IL16: variants seen among roughly 807,000 people sequenced by gnomAD.
IL16 encodes interleukin 16, also known as pro-interleukin-16.
Under a neutral mutation model 110.1 loss-of-function variants are expected in IL16, and 67 were observed. The ratio of observed to expected loss-of-function variants is 0.61; its 90% CI spans 0.50 to 0.75. The LOEUF (loss-of-function observed/expected upper bound fraction) is 0.75, where lower values mean the gene tolerates loss of function less well. IL16 is among the 30% of genes least tolerant of loss of function. IL16 has a pLI of 0.00. For synonymous variants in IL16, 689 were observed against 662.9 expected, an observed-to-expected ratio of 1.04 and a Z score of -0.61; for missense variants, 1,545 against 1,655.0, an observed-to-expected ratio of 0.93 and a Z score of 1.15.
chr15:81,246,989 T>G (rs1332445601), intron 2 of IL16, among the ~76,000 whole-genome samples: 3 of 151,896 alleles, frequency 2.0e-5, no homozygotes, highest in African/African-American at 4.8e-5. Context: ...TTGTAATATC[T>G]TCTTGTCATC....
intron 13 of IL16, 129 bp from the exon 14 acceptor site, chr15:81,299,251 G>T: frequency 2.0e-6 from 3 of 1,516,314 alleles, no homozygotes; most frequent in Middle Eastern, 3.4e-4. Flanking sequence ...CACCCACCTG[G>T]GTGTCCCCCA....
chr15:81,227,786 G>A (rs1266898655), intron 2 of IL16, among the ~76,000 whole-genome samples: 3 of 151,828 alleles, frequency 2.0e-5, no homozygotes, highest in Admixed American at 6.6e-5. Flanking sequence ...CAGAAATGAC[G>A]TGGCTTGGAC....
At chr15:81,204,940 T>C (rs987759110) in intron 1 of IL16, among the ~76,000 whole-genome samples, 2 of 151,844 alleles carry the variant, frequency 1.3e-5, no homozygotes, top group African/African-American at 4.8e-5. Context: ...GATAAAAAAA[T>C]TGACAGGCCA....
At position 81,313,374 on chromosome 15, in the gene IL16, A is replaced by G. The variant is rs376164995; in HGVS notation, c.*4576A>G. On this transcript the variant is annotated 3_prime_UTR_variant, in exon 19 of 19. Transcript: ENST00000683961. Reference sequence around the variant, plus strand: ...GTAACCGCTGAGGTCGGTATGGAAGAATGTGACCAGGTTGGTCTTGGTGGG... The same window carrying G: ...GTAACCGCTGAGGTCGGTATGGAAGGATGTGACCAGGTTGGTCTTGGTGGG... 7.1e-5 allele frequency: 111 copies of G among 1,572,702 alleles called. No homozygotes were observed. The highest frequency in any genetic ancestry group is 9.4e-5 in the Non-Finnish European group (109 of 1,158,684).
chr15:81,275,862 T>A (rs1054310026), intron 6 of IL16, among the ~76,000 whole-genome samples: 1 of 152,206 alleles, frequency 6.6e-6, no homozygotes, highest in African/African-American at 2.4e-5. Context: ...GCTACTAATG[T>A]TTTACTTTTA....
chr15:81,282,983 G>T (rs1457577697), intron 9 of IL16, among the ~76,000 whole-genome samples: 1 of 152,204 alleles, frequency 6.6e-6, no homozygotes, highest in African/African-American at 2.4e-5. Context: ...TTGCAATCTG[G>T]CTCAGAGGGA....
In IL16 at chr15:81,303,709, G is replaced by A. The variant is rs1208067057; in HGVS notation, c.3420+59G>A. On this transcript the variant is annotated intron_variant, in intron 16 of 18. Transcript: ENST00000683961. The surrounding 1 kb of genome is among the most constrained non-coding windows in gnomAD (Gnocchi z 4.1). ...AGAGGCAATGGTTCTGGGGGAGGGG[G>A]ACACACTTGCCAGGAAGGGGCCCTG... 6 of 1,152,968 alleles carry A rather than the reference G, an allele frequency of 5.2e-6. No homozygotes were observed. The highest frequency in any genetic ancestry group is 1.5e-5 in the African/African-American group (1 of 66,156). 71.4% of individuals were successfully genotyped at this position (1,152,968 alleles called of 1,614,324 possible). A position where few individuals can be genotyped will look rare whatever the true frequency, so the allele number is the denominator to read the frequency against.
intron 2 of IL16, among the ~76,000 whole-genome samples, chr15:81,258,900 A>G (rs569592570): frequency 2.0e-5 from 3 of 152,314 alleles, no homozygotes; most frequent in Admixed American, 6.5e-5. Context: ...TAACAAAGTT[A>G]TAAAATAGAA....
chr15:81,182,859 G>A (rs1895364333), exon 1 of IL16: 1 of 1,289,338 alleles, frequency 7.8e-7, no homozygotes, highest in Admixed American at 2.3e-5. Context: ...CCTGTGCAAT[G>A]AGTTTGCAGA....
chr15:81,282,222 T>A (rs1201144061), intron 8 of IL16, among the ~76,000 whole-genome samples: 3 of 152,238 alleles, frequency 2.0e-5, no homozygotes, highest in Admixed American at 2.0e-4. Context: ...GCTTCTGAGA[T>A]GCTCTGCCCC....
chr15:81,256,378 G>A lies in IL16; in HGVS notation c.313-3394G>A, dbSNP rs563897669. Among the ~76,000 whole-genome samples the A allele has an allele frequency of 3.3e-4, 46 of 140,666 alleles. 1 individual carries two copies. Among genetic ancestry groups the A allele is most frequent in the Admixed American group, 2.7e-3 (37 of 13,646 alleles). 92.3% of individuals were successfully genotyped at this position (140,666 alleles called of 152,430 possible). On this transcript the variant is annotated intron_variant, in intron 2 of 18. Coordinates refer to ENST00000683961, the MANE Select transcript of IL16 (RefSeq NM_172217.5). ...AGACAGAGTCTCGCTCTGTCACCCAGGCTGAAGTACAGTGGCAGGATCTTG... is the reference window on the plus strand; with the variant it reads ...AGACAGAGTCTCGCTCTGTCACCCAAGCTGAAGTACAGTGGCAGGATCTTG...
chr15:81,289,434 C>T (rs1349681148), intron 10 of IL16, among the ~76,000 whole-genome samples: 1 of 152,168 alleles, frequency 6.6e-6, no homozygotes, highest in African/African-American at 2.4e-5. Context: ...CATGCCCAGC[C>T]TCTTTTCTTT....
Position 81,269,567 on chromosome 15 carries a change from C to T in IL16, c.594C>T (p.Ser198=), listed in dbSNP as rs543252360. The change falls in exon 5 of 19, where the codon AGC becomes AGT. Residue 198 remains serine, a synonymous_variant. Transcript: ENST00000683961. ...CTTCGAGACCAACACGGTCCCTGAG[C>T]ACAGCTCAGCTCGTGCAGCCATCTG... ...AGTSRPTRSL[S]TAQLVQPSGG... is the part of the protein sequence containing the mutation. 4.3e-6 allele frequency: 7 copies of T among 1,614,080 alleles called. No individual in the cohort carries two copies. The highest frequency in any genetic ancestry group is 1.7e-4 in the Middle Eastern group (1 of 6,056).
At chr15:81,286,386 G>C (rs938262851) in intron 10 of IL16, among the ~76,000 whole-genome samples, 1 of 152,160 alleles carries the variant, frequency 6.6e-6, no homozygotes, top group Non-Finnish European at 1.5e-5. Flanking sequence ...TCCAGGAGGT[G>C]GGAACACAAA....
chr15:81,256,332 C>CTTT (rs386383603), intron 2 of IL16, among the ~76,000 whole-genome samples: 1,589 of 125,720 alleles, frequency 0.013, 86 homozygotes, highest in African/African-American at 0.047. Flanking sequence ...TCTTTACAAA[C>CTTT]TTTTTTTTTT....
chr15:81,313,526 C>T lies in IL16; in HGVS notation c.*4728C>T. 1.1e-6 allele frequency: 1 copy of T among 927,288 alleles called. No individual in the cohort carries two copies. Among genetic ancestry groups the T allele is most frequent in the East Asian group, 3.0e-5 (1 of 33,286 alleles). 57.4% of individuals were successfully genotyped at this position (927,288 alleles called of 1,614,324 possible). On this transcript the variant is annotated 3_prime_UTR_variant, in exon 19 of 19. Transcript: ENST00000683961. ...CATGATACAGTGATCGCGTCTCATC[C>T]CTTGCTGTGCCCTCCACCCAGGAGT...
intron 2 of IL16, among the ~76,000 whole-genome samples, chr15:81,251,578 T>A (rs1365093659): frequency 6.6e-6 from 1 of 152,234 alleles, no homozygotes; most frequent in Non-Finnish European, 1.5e-5. Flanking sequence ...GACATCTTTG[T>A]GCACCTTGTC....
chr15:81,313,216 A>G lies in IL16; in HGVS notation c.*4418A>G. 1.4e-6 allele frequency: 2 copies of G among 1,481,342 alleles called. No homozygotes were observed. The highest frequency in any genetic ancestry group is 5.3e-5 in the East Asian group (2 of 37,942). The allele number at this position is 1,481,342 out of a possible 1,614,324, so 91.8% of individuals were successfully genotyped here. A position where few individuals can be genotyped will look rare whatever the true frequency, so the allele number is the denominator to read the frequency against. On this transcript the variant is annotated 3_prime_UTR_variant, in exon 19 of 19. Coordinates refer to ENST00000683961, the MANE Select transcript of IL16 (RefSeq NM_172217.5). Reference sequence around the variant, plus strand: ...GTGTCCCAACAGCTGGAGCTCCTCGATGAGTCACGGGAGTTCTTTGCCAAG... The same window carrying G: ...GTGTCCCAACAGCTGGAGCTCCTCGGTGAGTCACGGGAGTTCTTTGCCAAG...
chr15:81,216,775 G>A (rs1896449815), intron 1 of IL16, among the ~76,000 whole-genome samples: 1 of 152,054 alleles, frequency 6.6e-6, no homozygotes, highest in African/African-American at 2.4e-5. Context: ...TGCTGAATAG[G>A]TCTACTGTGC....
Sources: gnomAD v4.1 joint callset for allele counts (sites outside exome capture counted in the v4.1 genomes callset) on GRCh38, gnomAD v4.1.1 for gene constraint, Gnocchi (gnomAD v3.1) non-coding constraint, MANE v1.5 for transcripts, NCBI Gene and HGNC (gene_info 2026-07-23, HGNC 2026-07-21) for gene names.